WASHC2A: variants seen among roughly 807,000 people sequenced by gnomAD.
WASHC2A encodes WASH complex subunit 2A.
WASHC2A carries 82 observed loss-of-function variants against 140.3 expected under a neutral mutation model. That is an observed-to-expected ratio of 0.58 (90% CI 0.49 to 0.70). The LOEUF (loss-of-function observed/expected upper bound fraction) is 0.70. Ranked by LOEUF, WASHC2A falls within the 30% of genes least tolerant of loss-of-function variation. The probability of loss-of-function intolerance (pLI) is 0.00; values close to 1 mark genes in which losing one functional copy is unlikely to be tolerated. For synonymous variants in WASHC2A, 340 were observed against 560.8 expected, an observed-to-expected ratio of 0.61 and a Z score of 5.56; for missense variants, 985 against 1,521.8, an observed-to-expected ratio of 0.65 and a Z score of 5.87.
chr10:50,130,653 C>A (rs1171858515), intron 29 of WASHC2A, among the ~76,000 whole-genome samples: 2 of 152,152 alleles, frequency 1.3e-5, no homozygotes, highest in African/African-American at 4.8e-5. Flanking sequence ...GTGGGTAGGG[C>A]TGGGAGGTGC....
At chr10:50,082,441 G>C (rs1838985913) in intron 5 of WASHC2A, among the ~76,000 whole-genome samples, 1 of 148,750 alleles carries the variant, frequency 6.7e-6, no homozygotes, top group Non-Finnish European at 1.5e-5. Context: ...TTCAGCAGTG[G>C]AGGTAGGAGG....
At chr10:50,129,097 C>T (rs1205888678) in intron 28 of WASHC2A, among the ~76,000 whole-genome samples, 1 of 152,132 alleles carries the variant, frequency 6.6e-6, no homozygotes, top group Non-Finnish European at 1.5e-5. Flanking sequence ...GGTTGTGAGA[C>T]AGAGAGCCAA....
intron 16 of WASHC2A, among the ~76,000 whole-genome samples, chr10:50,098,557 A>C (rs1840730749): frequency 1.0e-5 from 1 of 98,402 alleles, no homozygotes; most frequent in African/African-American, 3.5e-5. Context: ...GGCTTCTAAC[A>C]GGCCATGGAC....
At chr10:50,099,501 A>G in intron 16 of WASHC2A, among the ~76,000 whole-genome samples, 1 of 150,930 alleles carries the variant, frequency 6.6e-6, no homozygotes. Flanking sequence ...GCTCAGATTG[A>G]CCTGCATTTG....
At chr10:50,110,962 G>C (rs1259071353) in intron 20 of WASHC2A, among the ~76,000 whole-genome samples, 58 of 146,774 alleles carry the variant, frequency 4.0e-4, no homozygotes, top group African/African-American at 1.4e-3. Context: ...ATCCTGTTAG[G>C]AGGAAGTTCC....
At chr10:50,074,640 G>A (rs1210348831) in intron 3 of WASHC2A, among the ~76,000 whole-genome samples, 1 of 152,250 alleles carries the variant, frequency 6.6e-6, no homozygotes, top group Admixed American at 6.5e-5. Context: ...CCTACAGTAG[G>A]CCGGGTGCGG....
At chr10:50,102,019 C>T (rs1388577007) in intron 17 of WASHC2A, among the ~76,000 whole-genome samples, 1 of 152,194 alleles carries the variant, frequency 6.6e-6, no homozygotes, top group South Asian at 2.1e-4. Context: ...AACGGTGTTC[C>T]TTTTGCTTCA....
intron 4 of WASHC2A, 128 bp downstream of exon 4, chr10:50,078,865 G>A (rs2305301): frequency 0.24 from 369,958 of 1,570,762 alleles, 49,060 homozygotes; most frequent in East Asian, 0.66. Context: ...CCTGACAGCA[G>A]CCCAAGAGGG....
At chr10:50,125,070 T>G in intron 23 of WASHC2A, 43 bp from the exon 24 acceptor site, 1 of 1,607,440 alleles carries the variant, frequency 6.2e-7, no homozygotes, top group South Asian at 1.1e-5. Context: ...TGAGATAAGT[T>G]CTTACAGCTC....
At position 50,093,906 on chromosome 10, in the gene WASHC2A, CTGT is replaced by C. The variant is rs2132594669; in HGVS notation, c.1171_1173del (p.Val391del). On this transcript the variant is annotated inframe_deletion, in exon 13 of 31. Coordinates refer to ENST00000282633, the MANE Select transcript of WASHC2A (RefSeq NM_001005751.3). The stretch of plus-strand genomic sequence containing the variant: ...CCCCAGGATCGGCAAGCTGGAGCCT[CTGT>C]TAAGGAGGGTAAGCTGGGGCTGGGC... 6.2e-7 allele frequency: 1 copy of C among 1,607,508 alleles called. No homozygotes were observed. The highest frequency in any genetic ancestry group is 1.3e-5 in the African/African-American group (1 of 74,884).
At chr10:50,092,295 A>G in intron 11 of WASHC2A, 62 bp downstream of exon 11, 1 of 960,664 alleles carries the variant, frequency 1.0e-6, no homozygotes, top group South Asian at 1.7e-5. Context: ...TGTTGCTTAC[A>G]TAATTCATGA....
rs1844118309 is a variant in WASHC2A, at chr10:50,132,982, A to G, written c.*37A>G. On this transcript the variant is annotated 3_prime_UTR_variant, in exon 31 of 31. Coordinates refer to ENST00000282633, the MANE Select transcript of WASHC2A (RefSeq NM_001005751.3). ...TATCCACATGTTACCCTGCAGCTAC[A>G]TTGTTGAGTTAGTGATGATGTTGTA... 1 of 1,611,730 alleles carries G rather than the reference A, an allele frequency of 6.2e-7. No individual in the cohort carries two copies. The highest frequency in any genetic ancestry group is 1.7e-5 in the Admixed American group (1 of 59,992).
At position 50,068,159 on chromosome 10, in the gene WASHC2A, G is replaced by T. The variant is rs781810667; in HGVS notation, c.58G>T (p.Glu20Ter). Residue 20 changes from glutamate to a stop codon, truncating the protein, a stop_gained, in exon 2 of 31, where the codon GAG becomes TAG. Coordinates refer to ENST00000282633, the MANE Select transcript of WASHC2A (RefSeq NM_001005751.3). LOFTEE classifies it high-confidence loss of function. Reference protein sequence around the residue: ...ELAPASEPVWERPWSVEEIRR... With the variant: ...ELAPASEPVW ...GGCGCCAGCGTCGGAGCCCGTGTGG[G>T]AGCGGCCGTGGTCGGTGGAGGAGAT... 2 of 1,602,024 alleles carry T rather than the reference G, an allele frequency of 1.2e-6. No homozygotes were observed. Among genetic ancestry groups the T allele is most frequent in the Non-Finnish European group, 1.7e-6 (2 of 1,175,358 alleles).
intron 19 of WASHC2A, among the ~76,000 whole-genome samples, chr10:50,109,253 G>C (rs1302538676): frequency 6.6e-6 from 1 of 152,232 alleles, no homozygotes; most frequent in Non-Finnish European, 1.5e-5. Context: ...GAAGGGGTGT[G>C]AGCATAGTCG....
Position 50,069,657 on chromosome 10 carries a change from G to T in WASHC2A, c.237G>T (p.Leu79=). ...IRETKATDCR[L]HNVFNDFLML... ...AAACCAAAGCCACAGATTGTCGCCT[G>T]CATAATGTCTTCAATGACTTCCTTA... Residue 79 remains leucine, a synonymous_variant, in exon 3 of 31, where the codon CTG becomes CTT. Coordinates refer to ENST00000282633, the MANE Select transcript of WASHC2A (RefSeq NM_001005751.3). The T allele has an allele frequency of 6.2e-7, 1 of 1,613,980 alleles. No homozygotes were observed. Among genetic ancestry groups the T allele is most frequent in the East Asian group, 2.2e-5 (1 of 44,874 alleles).
At chr10:50,121,117 AACCTTGT>A (rs1842983846) in intron 23 of WASHC2A, among the ~76,000 whole-genome samples, 2 of 149,638 alleles carry the variant, frequency 1.3e-5, no homozygotes, top group African/African-American at 5.1e-5. Flanking sequence ...AATTCTAATC[AACCTTGT>A]ACTGGGGATT....
chr10:50,121,343 T>G (rs1352428622), intron 23 of WASHC2A, among the ~76,000 whole-genome samples: 13 of 149,774 alleles, frequency 8.7e-5, no homozygotes, highest in Non-Finnish European at 1.8e-4. Context: ...TGTAGTTCTG[T>G]AAGCTAGTAA....
At chr10:50,076,690 A>C (rs1240682323) in intron 3 of WASHC2A, among the ~76,000 whole-genome samples, 1 of 152,130 alleles carries the variant, frequency 6.6e-6, no homozygotes, top group Non-Finnish European at 1.5e-5. Context: ...ATAAATAATC[A>C]GTTTCAGCCG....
At chr10:50,074,707 G>C (rs1216036839) in intron 3 of WASHC2A, among the ~76,000 whole-genome samples, 7 of 152,104 alleles carry the variant, frequency 4.6e-5, no homozygotes, top group Admixed American at 2.6e-4. Context: ...GAGGTCAGGA[G>C]ATTGAGACCA....
Sources: allele counts gnomAD v4.1 joint callset (sites outside exome capture counted in the v4.1 genomes callset), GRCh38; gene constraint gnomAD v4.1.1; transcripts MANE v1.5; gene names NCBI Gene and HGNC (gene_info 2026-07-23, HGNC 2026-07-21).